RAD9B: variants seen among roughly 807,000 people sequenced by gnomAD.
RAD9B encodes the protein cell cycle checkpoint control protein RAD9B.
Under a neutral mutation model 48.3 loss-of-function variants are expected in RAD9B, and 41 were observed. The ratio of observed to expected loss-of-function variants is 0.85; its 90% CI spans 0.66 to 1.10. The LOEUF is 1.10. RAD9B is among the 50% of genes least tolerant of loss of function. The probability of loss-of-function intolerance (pLI) is 0.00; values close to 1 mark genes in which losing one functional copy is unlikely to be tolerated. For synonymous variants in RAD9B, 160 were observed against 157.9 expected, an observed-to-expected ratio of 1.01 and a Z score of -0.10; for missense variants, 444 against 485.1, an observed-to-expected ratio of 0.92 and a Z score of 0.80.
rs753863072 is a variant in RAD9B, at chr12:110,512,828, A to C, written c.438A>C (p.Gln146His). The change falls in exon 5 of 11, where the codon CAA (glutamine) becomes CAC (histidine). Residue 146 changes from glutamine (Q) to histidine (H), a missense_variant. By Grantham distance (24) the Gln-to-His change is conservative (BLOSUM62 0). Transcript: ENST00000409300. Reference protein sequence around the residue: ...NICFQESQPLQVIFDKNVCTN... With the variant: ...NICFQESQPLHVIFDKNVCTN... The stretch of plus-strand genomic sequence containing the variant: ...GTTTTCAAGAAAGTCAGCCTTTGCA[A>C]GTTATTTTTGACAAGAATGTTTGTA... 6.5e-7 allele frequency: 1 copy of C among 1,542,164 alleles called. No individual in the cohort carries two copies. The highest frequency in any genetic ancestry group is 1.2e-5 in the South Asian group (1 of 85,814).
In RAD9B at chr12:110,530,494, A is replaced by C. The variant is rs1298221766; in HGVS notation, c.1126-31A>C. The C allele has an allele frequency of 2.5e-6, 4 of 1,610,630 alleles. No homozygotes were observed. The South Asian group carries it at 4.4e-5, about 18-fold the overall frequency. On this transcript the variant is annotated intron_variant, in intron 10 of 10. Coordinates refer to ENST00000409300, the MANE Select transcript of RAD9B (RefSeq NM_001286535.2). ...TTAATGAGCAAACTTTCTCTTTGGA[A>C]TCAACAATGCAGTTCCTTTTTTCCC...
Position 110,531,227 on chromosome 12 carries a change from T to G in RAD9B, c.*574T>G. On this transcript the variant is annotated 3_prime_UTR_variant, in exon 11 of 11. Transcript: ENST00000409300. ...TGGCTTTTTTAGACGGAGTCTCACTTTGTCACTCAGGCTCAAGTGCAGTGG... is the reference window on the plus strand; with the variant it reads ...TGGCTTTTTTAGACGGAGTCTCACTGTGTCACTCAGGCTCAAGTGCAGTGG... 1 of 849,644 alleles carries G rather than the reference T, an allele frequency of 1.2e-6. No individual in the cohort carries two copies. Among genetic ancestry groups the G allele is most frequent in the Non-Finnish European group, 1.4e-6 (1 of 692,456 alleles). 52.6% of individuals were successfully genotyped at this position (849,644 alleles called of 1,614,324 possible).
intron 2 of RAD9B, among the ~76,000 whole-genome samples, chr12:110,504,794 C>T (rs1354394576): frequency 6.6e-6 from 1 of 152,000 alleles, no homozygotes; most frequent in Non-Finnish European, 1.5e-5. Flanking sequence ...CCCAGGAGTT[C>T]GAGACCAGCC....
rs769562741 is a variant in RAD9B, at chr12:110,503,802, A to T, written c.47-4A>T. 1 of 1,604,376 alleles carries T rather than the reference A, an allele frequency of 6.2e-7. No individual in the cohort carries two copies. Among genetic ancestry groups the T allele is most frequent in the Admixed American group, 1.7e-5 (1 of 59,126 alleles). ...ATAAGCATCACCTTTCTTTTTCTCC[A>T]TAGTATTTGGGAAAGCAGTTCAAGC... On this transcript the variant is annotated splice_region_variant and splice_polypyrimidine_tract_variant and intron_variant, in intron 1 of 10. Transcript: ENST00000409300.
At chr12:110,521,555 CTTT>C (rs577675171) in intron 9 of RAD9B, among the ~76,000 whole-genome samples, 21 of 126,574 alleles carry the variant, frequency 1.7e-4, no homozygotes, top group Admixed American at 2.4e-4. Context: ...AAACATAATT[CTTT>C]TTTTTTTTTT....
intron 4 of RAD9B, among the ~76,000 whole-genome samples, chr12:110,510,061 C>T (rs2135672596): frequency 6.6e-6 from 1 of 152,312 alleles, no homozygotes; most frequent in African/African-American, 2.4e-5. Context: ...TATTATGTCA[C>T]TTCGGTGCTC....
Position 110,503,806 on chromosome 12 carries a change from T to C in RAD9B, c.47T>C (p.Val16Ala), listed in dbSNP as rs2063174518. The stretch of plus-strand genomic sequence containing the variant: ...GCATCACCTTTCTTTTTCTCCATAG[T>C]ATTTGGGAAAGCAGTTCAAGCTCTA... The part of the protein sequence containing the change: ...KCVMSGSQVK[V>A]FGKAVQALSR... The change falls in exon 2 of 11, where the codon GTA becomes GCA. Residue 16 changes from valine (V) to alanine (A), a missense_variant and splice_region_variant. Coordinates refer to ENST00000409300, the MANE Select transcript of RAD9B (RefSeq NM_001286535.2). 1 of 1,605,586 alleles carries C rather than the reference T, an allele frequency of 6.2e-7. No individual in the cohort carries two copies. The highest frequency in any genetic ancestry group is 1.7e-5 in the Admixed American group (1 of 59,090).
chr12:110,505,269 G>T, intron 2 of RAD9B, among the ~76,000 whole-genome samples: 1 of 151,972 alleles, frequency 6.6e-6, no homozygotes, highest in East Asian at 1.9e-4. Context: ...GTTATGTCCT[G>T]TATATATTAT....
At chr12:110,527,429 T>C (rs754727217) in intron 10 of RAD9B, among the ~76,000 whole-genome samples, 5 of 152,192 alleles carry the variant, frequency 3.3e-5, no homozygotes, top group Non-Finnish European at 7.3e-5. Context: ...TGGGAACCAT[T>C]TTCCTGCCTG....
chr12:110,513,692 A>ATAT (rs147828355), intron 5 of RAD9B, among the ~76,000 whole-genome samples: 2,858 of 140,532 alleles, frequency 0.02, 51 homozygotes, highest in Middle Eastern at 0.033. Flanking sequence ...TATTGTTTTT[A>ATAT]TATTATTATT....
rs1361795941 is a variant in RAD9B, at chr12:110,531,471, C to T, written c.*818C>T. 2 of 805,524 alleles carry T rather than the reference C, an allele frequency of 2.5e-6. No homozygotes were observed. Among genetic ancestry groups the T allele is most frequent in the Non-Finnish European group, 4.0e-6 (2 of 496,298 alleles). 49.9% of individuals were successfully genotyped at this position (805,524 alleles called of 1,614,324 possible). On this transcript the variant is annotated 3_prime_UTR_variant, in exon 11 of 11. Coordinates refer to ENST00000409300, the MANE Select transcript of RAD9B (RefSeq NM_001286535.2). ...CCTCCCAAAGTGCTGGGATTACAGA[C>T]TTGAGCCACTGCGCCCAACCTGGAG...
At chr12:110,511,040 T>G (rs974488343) in intron 4 of RAD9B, among the ~76,000 whole-genome samples, 4 of 152,068 alleles carry the variant, frequency 2.6e-5, no homozygotes, top group African/African-American at 9.7e-5. Context: ...AAACCAGATG[T>G]TGAAATCTGT....
chr12:110,506,832 G>T (rs2063287666), intron 4 of RAD9B, 139 bp downstream of exon 4: 1 of 494,662 alleles, frequency 2.0e-6, no homozygotes, highest in Middle Eastern at 5.8e-4. Flanking sequence ...AGGGCAGTTT[G>T]AAGTATTATC....
chr12:110,521,323 T>C (rs1448899519), intron 9 of RAD9B, among the ~76,000 whole-genome samples: 4 of 151,792 alleles, frequency 2.6e-5, no homozygotes, highest in Admixed American at 2.0e-4. Context: ...CAGCTAATTT[T>C]TGTGTTTTTT....
Position 110,505,619 on chromosome 12 carries a change from T to C in RAD9B, c.120T>C (p.Leu40=), listed in dbSNP as rs2063239763. The C allele has an allele frequency of 6.5e-7, 1 of 1,546,970 alleles. No homozygotes were observed. Among genetic ancestry groups the C allele is most frequent in the Admixed American group, 2.0e-5 (1 of 49,534 alleles). ...EFWLDPSKKG[L]ALRCVNSSRS... ...TAGTTTTTATCTTATTTTTCTAGCT[T>C]GCTCTAAGATGTGTGAATTCTTCTC... The change falls in exon 3 of 11, where the codon CTT becomes CTC. Residue 40 remains leucine, a splice_region_variant and synonymous_variant. Transcript: ENST00000409300.
intron 4 of RAD9B, among the ~76,000 whole-genome samples, chr12:110,509,515 C>T (rs2063397375): frequency 1.3e-5 from 2 of 152,040 alleles, no homozygotes; most frequent in African/African-American, 4.8e-5. Flanking sequence ...GCCAGGCAGT[C>T]CTCTTGCCTC....
chr12:110,506,954 C>T (rs2063293484), intron 4 of RAD9B, among the ~76,000 whole-genome samples: 1 of 152,086 alleles, frequency 6.6e-6, no homozygotes, highest in Non-Finnish European at 1.5e-5. Flanking sequence ...GTTCTCCCGC[C>T]TCAGCCTCCC....
intron 10 of RAD9B, among the ~76,000 whole-genome samples, chr12:110,524,493 C>T (rs1462570864): frequency 6.6e-6 from 1 of 152,110 alleles, no homozygotes; most frequent in Admixed American, 6.6e-5. Context: ...ATCCGGGAGG[C>T]GGAGATTGCA....
chr12:110,520,650 G>GTTTTTTTTTTTTTTTTTTTTTTTTTTT (rs1232808618), intron 9 of RAD9B, among the ~76,000 whole-genome samples: 1 of 69,638 alleles, frequency 1.4e-5, no homozygotes, highest in Admixed American at 1.6e-4. Flanking sequence ...TTTTTTTGTT[G>GTTTTTTTTTTTTTTTTTTTTTTTTTTT]TTTTTTTTTT....
Sources: allele counts gnomAD v4.1 joint callset (sites outside exome capture counted in the v4.1 genomes callset), GRCh38; gene constraint gnomAD v4.1.1; transcripts MANE v1.5; gene names NCBI Gene and HGNC (gene_info 2026-07-23, HGNC 2026-07-21).